Variants in FBLN1 observed in about 807,000 individuals in gnomAD.
FBLN1 encodes the protein fibulin-1.
In FBLN1, 34 loss-of-function variants were observed where a neutral mutation model predicts 89.7. The ratio of observed to expected loss-of-function variants is 0.38; its 90% CI spans 0.29 to 0.50. The LOEUF (loss-of-function observed/expected upper bound fraction) is 0.50. Among genes scored for constraint, FBLN1 ranks in the 20% least tolerant of loss-of-function variants. The pLI is 0.92. For missense variants in FBLN1, 777 were observed against 988.1 expected (o/e 0.79, Z 2.86); for synonymous variants, 393 against 391.3 (o/e 1.00, Z -0.05).
intron 14 of FBLN1, among the ~76,000 whole-genome samples, chr22:45,568,471 C>CCTTCTGTAGGGGAATGCCT (rs1245375106): frequency 5.8e-5 from 6 of 104,254 alleles, no homozygotes; most frequent in African/African-American, 2.4e-4. Context: ...GGGGAGTGCT[C>CCTTCTGTAGGGGAATGCCT]CTTCTGTAGG....
Position 45,550,674 on chromosome 22 carries a change from G to T in FBLN1, c.1697+59G>T, listed in dbSNP as rs140925136. The T allele has an allele frequency of 1.5e-3, 2,342 of 1,613,100 alleles. 6 individuals are homozygous for T. Among genetic ancestry groups the T allele is most frequent in the Non-Finnish European group, 1.6e-3 (1,923 of 1,179,570 alleles). On this transcript the variant is annotated intron_variant, in intron 14 of 16. Coordinates refer to ENST00000327858, the MANE Select transcript of FBLN1 (RefSeq NM_006486.3). The surrounding 1 kb of genome is among the most constrained non-coding windows in gnomAD (Gnocchi z 8.4). The stretch of plus-strand genomic sequence containing the variant: ...CTGTGTTGGCCTTCCTGGTGACCCA[G>T]TTCCCGGGTGGGTGGGTTATCAGGC...
Position 45,577,665 on chromosome 22 carries a change from C to T in FBLN1, c.1972+557C>T, listed in dbSNP as rs933891451. Among the ~76,000 whole-genome samples the T allele has an allele frequency of 3.9e-5, 6 of 152,204 alleles. No individual in the cohort carries two copies. Among genetic ancestry groups the T allele is most frequent in the Non-Finnish European group, 8.8e-5 (6 of 68,040 alleles). On this transcript the variant is annotated intron_variant, in intron 16 of 16. Transcript: ENST00000327858. The surrounding 1 kb of genome is among the most constrained non-coding windows in gnomAD (Gnocchi z 6.6). ...GACCAAGGCCACTCTGTGTGCACAG[C>T]CCATCTGAATGGGGAGCTCACTGCT... is the stretch of plus-strand genomic sequence containing the variant.
intron 2 of FBLN1, among the ~76,000 whole-genome samples, chr22:45,520,080 G>A (rs906895079): frequency 1.3e-5 from 2 of 152,146 alleles, no homozygotes; most frequent in African/African-American, 4.8e-5. Context: ...TGAGACAAGA[G>A]AATCGCTTGA....
At chr22:45,524,004 C>T (rs1289564600) in intron 2 of FBLN1, among the ~76,000 whole-genome samples, 1 of 152,214 alleles carries the variant, frequency 6.6e-6, no homozygotes, top group African/African-American at 2.4e-5. Context: ...GTGGCTCGCT[C>T]TGGCAGTTTA....
At position 45,536,845 on chromosome 22, in the gene FBLN1, G is replaced by GA. The variant is rs1292464233; in HGVS notation, c.922+1510dup. On this transcript the variant is annotated intron_variant, in intron 8 of 16. Transcript: ENST00000327858. This position sits in a 1 kb window ranked among gnomAD's most constrained non-coding sequence, Gnocchi z 5.1. ...AGAGAATCCCATGTGAACTTAGTAT[G>GA]AATTTAGGAGGCCTGGGCAAGACCG... 6.6e-6 allele frequency among the ~76,000 whole-genome samples: 1 copy of GA among 152,198 alleles called. No individual in the cohort carries two copies. The highest frequency in any genetic ancestry group is 6.5e-5 in the Admixed American group (1 of 15,284).
intron 2 of FBLN1, among the ~76,000 whole-genome samples, chr22:45,521,913 T>G (rs1242539989): frequency 6.6e-6 from 1 of 152,134 alleles, no homozygotes; most frequent in Non-Finnish European, 1.5e-5. Flanking sequence ...AGAATCCTCT[T>G]AATAGTGATA....
chr22:45,527,791 A>AC, intron 3 of FBLN1, 56 bp from the exon 4 acceptor site: 1 of 1,605,202 alleles, frequency 6.2e-7, no homozygotes, highest in East Asian at 2.2e-5. Context: ...CCTCTCGTGG[A>AC]CCCCGCTGGG....
chr22:45,571,885 C>G (rs769986604), intron 14 of FBLN1, among the ~76,000 whole-genome samples: 1 of 152,144 alleles, frequency 6.6e-6, no homozygotes, highest in Non-Finnish European at 1.5e-5. Flanking sequence ...AATCCCAGCA[C>G]TATGGGAGGC....
intron 8 of FBLN1, among the ~76,000 whole-genome samples, chr22:45,538,824 C>T (rs2146976266): frequency 6.6e-6 from 1 of 152,236 alleles, no homozygotes; most frequent in Non-Finnish European, 1.5e-5. Context: ...TAGAACCATC[C>T]TGGGGCCCCA....
chr22:45,516,885 A>AC (rs1176868692), intron 1 of FBLN1, among the ~76,000 whole-genome samples: 7 of 151,582 alleles, frequency 4.6e-5, no homozygotes, highest in African/African-American at 7.3e-5. Flanking sequence ...TCTAGGTGAG[A>AC]CCCCCCTCCT....
In FBLN1 at chr22:45,532,864, G is replaced by A. The variant is rs1451204702; in HGVS notation, c.545-199G>A. On this transcript the variant is annotated intron_variant, in intron 5 of 16. Transcript: ENST00000327858. The surrounding 1 kb of genome is among the most constrained non-coding windows in gnomAD (Gnocchi z 4.2). ...CCAGACGGGGAGGTTGGGACCTGAA[G>A]CAGCAGCCCCTGGGGGGTGTCCAGA... 2.8e-5 allele frequency: 17 copies of A among 613,564 alleles called. No individual in the cohort carries two copies. The East Asian group carries it at 4.1e-4, about 15-fold the overall frequency. 38.0% of individuals were successfully genotyped at this position (613,564 alleles called of 1,614,324 possible). A position where few individuals can be genotyped will look rare whatever the true frequency, so the allele number is the denominator to read the frequency against.
At chr22:45,534,411 C>T (rs2088456413) in intron 7 of FBLN1, among the ~76,000 whole-genome samples, 1 of 152,070 alleles carries the variant, frequency 6.6e-6, no homozygotes, top group East Asian at 1.9e-4. Context: ...TATCCCCTTC[C>T]ACTGCATAAA....
At chr22:45,592,616 C>T (rs1367094313) in intron 16 of FBLN1, among the ~76,000 whole-genome samples, 1 of 152,218 alleles carries the variant, frequency 6.6e-6, no homozygotes, top group Non-Finnish European at 1.5e-5. Context: ...GCGTGAGTCA[C>T]CACGCCCGGC....
In FBLN1 at chr22:45,528,120, G is replaced by GT. The variant is rs1025286947; in HGVS notation, c.484+112dup. 95 of 1,150,474 alleles carry GT rather than the reference G, an allele frequency of 8.3e-5. 1 individual carries two copies. The highest frequency in any genetic ancestry group is 1.1e-4 in the Non-Finnish European group (90 of 841,644). The allele number at this position is 1,150,474 out of a possible 1,614,324, so 71.3% of individuals were successfully genotyped here. Reference sequence around the variant, plus strand: ...TTTTAAGGACTTGGCTCATGTGATCGTGGGGCTGGCAAGTCCAAAATCTGC... The same window carrying GT: ...TTTTAAGGACTTGGCTCATGTGATCGTTGGGGCTGGCAAGTCCAAAATCTGC... On this transcript the variant is annotated intron_variant, in intron 4 of 16. Coordinates refer to ENST00000327858, the MANE Select transcript of FBLN1 (RefSeq NM_006486.3).
rs771580675 is a variant in FBLN1 at position 45,574,645 on chromosome 22, G to A, written c.1832G>A (p.Arg611His). The A allele has an allele frequency of 3.3e-5, 54 of 1,613,402 alleles. No individual in the cohort carries two copies. The African/African-American group carries it at 4.1e-4, about 12-fold the overall frequency. The change falls in exon 15 of 17, where the codon CGC becomes CAC. Residue 611 changes from arginine to histidine, a missense_variant. Transcript: ENST00000327858. This position sits in a 1 kb window ranked among gnomAD's most constrained non-coding sequence, Gnocchi z 4.1. ...CTGCCTACCTTCCGCGAGTTCACCC[G>A]CCCTGAAGGTGAGTGGGATGGGTGT... Reference protein sequence around the residue: ...ISLPTFREFTRPEEIIFLRAI... With the variant: ...ISLPTFREFTHPEEIIFLRAI...
chr22:45,584,286 CCA>C (rs1483549563), intron 16 of FBLN1, among the ~76,000 whole-genome samples: 2 of 152,188 alleles, frequency 1.3e-5, no homozygotes, highest in Non-Finnish European at 2.9e-5. Flanking sequence ...CTGAGTTTTG[CCA>C]GTGTGTCAAC....
intron 14 of FBLN1, among the ~76,000 whole-genome samples, chr22:45,571,152 A>AG (rs2088950726): frequency 6.7e-6 from 1 of 149,436 alleles, no homozygotes; most frequent in African/African-American, 2.5e-5. Context: ...AAAGAAAAGG[A>AG]GGGAAAAACA....
At position 45,576,060 on chromosome 22, in the gene FBLN1, C is replaced by T. The variant is rs2088994658; in HGVS notation, c.1841-917C>T. Among the ~76,000 whole-genome samples the T allele has an allele frequency of 6.6e-6, 1 of 152,172 alleles. No individual in the cohort carries two copies. Among genetic ancestry groups the T allele is most frequent in the Non-Finnish European group, 1.5e-5 (1 of 68,024 alleles). On this transcript the variant is annotated intron_variant, in intron 15 of 16. Transcript: ENST00000327858. This position sits in a 1 kb window ranked among gnomAD's most constrained non-coding sequence, Gnocchi z 5.2. ...TGCGGGGGGGTGGGGGGAGGAGAGG[C>T]TCCCTCAGCACGTGGTTGCCCAAGG... is the stretch of plus-strand genomic sequence containing the variant.
Position 45,579,452 on chromosome 22 carries a change from C to T in FBLN1, c.1972+2344C>T, listed in dbSNP as rs1380152978. Among the ~76,000 whole-genome samples, 2 of 152,368 alleles carry T rather than the reference C, an allele frequency of 1.3e-5. No individual in the cohort carries two copies. The highest frequency in any genetic ancestry group is 4.1e-4 in the South Asian group (2 of 4,828). ...GGAATGTGGATGAGGCCACAAGGAC[C>T]CAGCGGCTTCCCCCGGCACAGTTGG... On this transcript the variant is annotated intron_variant, in intron 16 of 16. Coordinates refer to ENST00000327858, the MANE Select transcript of FBLN1 (RefSeq NM_006486.3). The surrounding 1 kb of genome is among the most constrained non-coding windows in gnomAD (Gnocchi z 5.5).
Sources: gnomAD v4.1 joint callset for allele counts (sites outside exome capture counted in the v4.1 genomes callset) on GRCh38, gnomAD v4.1.1 for gene constraint, Gnocchi (gnomAD v3.1) non-coding constraint, MANE v1.5 for transcripts, NCBI Gene and HGNC (gene_info 2026-07-23, HGNC 2026-07-21) for gene names.